Variants in NRK observed in about 807,000 individuals in gnomAD.
NRK encodes nik-related protein kinase.
Under a neutral mutation model 125.2 loss-of-function variants are expected in NRK, and 67 were observed. That is an observed-to-expected ratio of 0.54 (90% CI 0.44 to 0.66). The LOEUF is 0.66. Ranked by LOEUF, NRK falls within the 30% of genes least tolerant of loss-of-function variation. The pLI, the probability that NRK is intolerant of heterozygous loss-of-function variation, is 0.00. For synonymous variants in NRK, 458 were observed against 429.0 expected (o/e 1.07, Z -0.84); for missense variants, 1,224 against 1,192.9 (o/e 1.03, Z -0.38).
At position 105,944,014 on chromosome X, in the gene NRK, G is replaced by C. The variant is rs1353657269; in HGVS notation, c.4032G>C (p.Lys1344Asn). Residue 1344 changes from lysine to asparagine, a missense_variant, in exon 24 of 29, where the codon AAG becomes AAC. By Grantham distance (94) the Lys-to-Asn change is moderately conservative. Coordinates refer to ENST00000243300, the MANE Select transcript of NRK (RefSeq NM_198465.4). ...SSIHLYAWAP[K>N]SFDESTAIKV... ...TTCACCTTTATGCATGGGCACCAAA[G>C]TCCTTTGATGAAAGCACTGCTATTA... 1 of 1,145,604 alleles carries C rather than the reference G, an allele frequency of 8.7e-7. No individual in the cohort carries two copies. The highest frequency in any genetic ancestry group is 1.2e-6 in the Non-Finnish European group (1 of 842,542). The allele number at this position is 1,145,604 out of a possible 1,213,427, so 94.4% of individuals were successfully genotyped here.
intron 2 of NRK, among the ~76,000 whole-genome samples, chrX:105,836,041 T>G (rs916657439): frequency 1.8e-5 from 2 of 112,178 alleles, no homozygotes; most frequent in Admixed American, 1.9e-4. Flanking sequence ...TGACCTTGTC[T>G]TCCCTCTACA....
chrX:105,889,343 A>G (rs1265547594), intron 5 of NRK, among the ~76,000 whole-genome samples: 1 of 37 alleles, frequency 0.027, no homozygotes, highest in Non-Finnish European at 0.042. Context: ...GTGGCTTTGC[A>G]GCGTACAGCT....
At position 105,955,640 on chromosome X, in the gene NRK, T is replaced by C. The variant is rs1283432454; in HGVS notation, c.*40T>C. On this transcript the variant is annotated 3_prime_UTR_variant, in exon 29 of 29. Transcript: ENST00000243300. ...TTATTACCACATTATAAACATCATGTATAGGCAGTCTGCATCTTCAGATTT... is the reference window on the plus strand; with the variant it reads ...TTATTACCACATTATAAACATCATGCATAGGCAGTCTGCATCTTCAGATTT... The C allele has an allele frequency of 3.0e-6, 2 of 671,346 alleles. No individual in the cohort carries two copies. 55.3% of individuals were successfully genotyped at this position (671,346 alleles called of 1,213,427 possible). A position where few individuals can be genotyped will look rare whatever the true frequency, so the allele number is the denominator to read the frequency against.
At chrX:105,835,387 T>C (rs1187877919) in intron 2 of NRK, among the ~76,000 whole-genome samples, 1 of 111,084 alleles carries the variant, frequency 9.0e-6, no homozygotes, top group Admixed American at 9.7e-5. Flanking sequence ...TCTTGCTCCA[T>C]GCTGTTGCCC....
Position 105,953,157 on chromosome X carries a change from G to C in NRK, c.4637G>C (p.Cys1546Ser). ...TCAATTAAGAAGCTGAGATTCCTGTGCACCCGGGGTGACAAGGTATAGCTT... is the reference window on the plus strand; with the variant it reads ...TCAATTAAGAAGCTGAGATTCCTGTCCACCCGGGGTGACAAGGTATAGCTT... Reference protein sequence around the residue: ...RRSIKKLRFLCTRGDKLFFTS... With the variant: ...RRSIKKLRFLSTRGDKLFFTS... The change falls in exon 28 of 29, where the codon TGC becomes TCC. Residue 1546 changes from cysteine (C) to serine (S), a missense_variant. Physicochemically the swap from Cys to Ser is moderately radical, Grantham distance 112. Transcript: ENST00000243300. The C allele has an allele frequency of 5.0e-6, 6 of 1,188,496 alleles. No individual in the cohort carries two copies. The highest frequency in any genetic ancestry group is 5.7e-6 in the Non-Finnish European group (5 of 880,829).
chrX:105,908,189 G>A (rs1175435693), intron 11 of NRK, 51 bp from the exon 12 acceptor site: 4 of 697,986 alleles, frequency 5.7e-6, no homozygotes, highest in East Asian at 7.4e-5. Context: ...TGGATAACAT[G>A]CTTATCTGCT....
chrX:105,894,441 A>T (rs369807525), intron 6 of NRK, among the ~76,000 whole-genome samples: 3 of 111,808 alleles, frequency 2.7e-5, no homozygotes, highest in African/African-American at 9.7e-5. Context: ...AATCTTCTTG[A>T]TGTACCAAAT....
intron 16 of NRK, among the ~76,000 whole-genome samples, chrX:105,920,760 G>A (rs1346597695): frequency 9.2e-6 from 1 of 108,437 alleles, no homozygotes; most frequent in African/African-American, 3.4e-5. Flanking sequence ...TCAGAGAAAT[G>A]CAAATCAAAA....
At chrX:105,876,097 G>T (rs1183596298) in intron 2 of NRK, among the ~76,000 whole-genome samples, 1 of 110,519 alleles carries the variant, frequency 9.0e-6, no homozygotes, top group Non-Finnish European at 1.9e-5. Flanking sequence ...GTATAATAGT[G>T]GTTACCAGAG....
chrX:105,937,642 G>T, intron 22 of NRK, 60 bp downstream of exon 22: 1 of 868,385 alleles, frequency 1.2e-6, no homozygotes, highest in Non-Finnish European at 1.6e-6. Context: ...CTGCAAACTG[G>T]GTTAAAGACT....
intron 28 of NRK, 118 bp from the exon 29 acceptor site, chrX:105,955,387 A>G (rs1393708911): frequency 2.5e-6 from 1 of 401,636 alleles, no homozygotes; most frequent in Non-Finnish European, 4.4e-6. Flanking sequence ...AAACTATTCC[A>G]CAAAACAGTA....
intron 4 of NRK, among the ~76,000 whole-genome samples, chrX:105,885,369 T>C (rs979591581): frequency 4.1e-4 from 46 of 112,162 alleles, no homozygotes; most frequent in African/African-American, 1.4e-3. Context: ...TTCACATATG[T>C]GAATCTTATT....
At chrX:105,945,359 A>T (rs927902469) in intron 24 of NRK, among the ~76,000 whole-genome samples, 4 of 112,244 alleles carry the variant, frequency 3.6e-5, no homozygotes, top group Non-Finnish European at 7.5e-5. Flanking sequence ...ATATTTTGTA[A>T]GGGAACACAT....
intron 23 of NRK, among the ~76,000 whole-genome samples, chrX:105,941,224 T>G (rs1011882060): frequency 7.2e-5 from 8 of 111,049 alleles, no homozygotes; most frequent in Non-Finnish European, 1.5e-4. Flanking sequence ...GGTGGACTAG[T>G]TAAGTTTAGT....
chrX:105,953,430 C>T (rs1250005278), intron 28 of NRK, among the ~76,000 whole-genome samples: 2 of 112,116 alleles, frequency 1.8e-5, no homozygotes, highest in Non-Finnish European at 3.8e-5. Context: ...TTAAGCAAAG[C>T]TTAGCCATTA....
intron 23 of NRK, among the ~76,000 whole-genome samples, chrX:105,941,326 C>T (rs1202559359): frequency 1.8e-5 from 2 of 111,197 alleles, no homozygotes; most frequent in African/African-American, 6.5e-5. Context: ...AGCATCTTCA[C>T]ATAGGAAGAC....
At chrX:105,896,742 C>T (rs902103774) in intron 7 of NRK, among the ~76,000 whole-genome samples, 1 of 111,089 alleles carries the variant, frequency 9.0e-6, no homozygotes, top group Non-Finnish European at 1.9e-5. Context: ...ACTCGAGAGG[C>T]TGAGGCAGGA....
intron 19 of NRK, among the ~76,000 whole-genome samples, chrX:105,929,012 G>A (rs1254274908): frequency 8.9e-6 from 1 of 111,772 alleles, no homozygotes; most frequent in African/African-American, 3.2e-5. Flanking sequence ...GGTCTATGCT[G>A]CAGTTTAAAT....
chrX:105,952,244 G>T (rs1040833614), intron 27 of NRK, among the ~76,000 whole-genome samples: 9 of 111,548 alleles, frequency 8.1e-5, no homozygotes, highest in Non-Finnish European at 1.3e-4. Flanking sequence ...TAAATGTCAG[G>T]ATTTTATTTA....
Sources: allele counts gnomAD v4.1 joint callset (sites outside exome capture counted in the v4.1 genomes callset), GRCh38; gene constraint gnomAD v4.1.1; transcripts MANE v1.5; gene names NCBI Gene and HGNC (gene_info 2026-07-23, HGNC 2026-07-21).